PPP1R16B: variants seen among roughly 807,000 people sequenced by gnomAD.
The protein encoded by PPP1R16B is protein phosphatase 1 regulatory subunit 16B.
PPP1R16B carries 14 observed loss-of-function variants against 61.7 expected under a neutral mutation model. The ratio of observed to expected loss-of-function variants is 0.23; its 90% CI spans 0.15 to 0.35. PPP1R16B has a LOEUF of 0.35. PPP1R16B is among the 10% of genes least tolerant of loss of function. PPP1R16B has a pLI of 1.00. For missense variants in PPP1R16B, 547 were observed against 752.5 expected (o/e 0.73, Z 3.19); for synonymous variants, 266 against 305.3 (o/e 0.87, Z 1.34).
chr20:38,855,943 TAGAGAG>T (rs1293814608), intron 2 of PPP1R16B, among the ~76,000 whole-genome samples: 3 of 15,058 alleles, frequency 2.0e-4, no homozygotes, highest in African/African-American at 8.9e-4. Context: ...TATATATATA[TAGAGAG>T]AGAGAGAGAG....
Position 38,908,884 on chromosome 20 carries a change from G to A in PPP1R16B, c.1194+691G>A, listed in dbSNP as rs147936698. Among the ~76,000 whole-genome samples the A allele has an allele frequency of 3.9e-5, 6 of 152,316 alleles. No homozygotes were observed. In the East Asian group the frequency reaches 5.8e-4, roughly 15 times the overall value. On this transcript the variant is annotated intron_variant, in intron 10 of 10. Transcript: ENST00000299824. Reference sequence around the variant, plus strand: ...AGGGGATTCTGTTCCACGCCTCTGCGAGCTTCTGGTGGCTCAGGCGTTCTT... The same window carrying A: ...AGGGGATTCTGTTCCACGCCTCTGCAAGCTTCTGGTGGCTCAGGCGTTCTT...
intron 6 of PPP1R16B, among the ~76,000 whole-genome samples, chr20:38,903,443 A>G (rs997998664): frequency 1.3e-5 from 2 of 152,028 alleles, no homozygotes; most frequent in Non-Finnish European, 2.9e-5. Context: ...AGCTCCCCTG[A>G]TATTACTGCA....
chr20:38,898,939 C>T (rs2085370645), intron 4 of PPP1R16B, among the ~76,000 whole-genome samples: 1 of 152,156 alleles, frequency 6.6e-6, no homozygotes, highest in Non-Finnish European at 1.5e-5. Flanking sequence ...GGGCACTGGG[C>T]ACACAGGGAT....
intron 2 of PPP1R16B, among the ~76,000 whole-genome samples, chr20:38,848,624 A>C (rs1260001390): frequency 6.6e-6 from 1 of 152,200 alleles, no homozygotes; most frequent in East Asian, 1.9e-4. Context: ...TTTTCCCTCC[A>C]AACCTCAAAA....
Position 38,918,891 on chromosome 20 carries a change from T to A in PPP1R16B, c.*225T>A, listed in dbSNP as rs2085567108. On this transcript the variant is annotated 3_prime_UTR_variant, in exon 11 of 11. Coordinates refer to ENST00000299824, the MANE Select transcript of PPP1R16B (RefSeq NM_015568.4). The surrounding 1 kb of genome is among the most constrained non-coding windows in gnomAD (Gnocchi z 5.3). ...CGTCTGCCATCTGACACAAGGCCTG[T>A]CGTGGCCTCCTGGTTCACTCTGCTG... 1 of 488,494 alleles carries A rather than the reference T, an allele frequency of 2.0e-6. No individual in the cohort carries two copies. Among genetic ancestry groups the A allele is most frequent in the Non-Finnish European group, 3.4e-6 (1 of 291,048 alleles). 30.3% of individuals were successfully genotyped at this position (488,494 alleles called of 1,614,324 possible). A position where few individuals can be genotyped will look rare whatever the true frequency, so the allele number is the denominator to read the frequency against.
chr20:38,870,615 G>T (rs955743646), intron 2 of PPP1R16B, among the ~76,000 whole-genome samples: 2 of 152,142 alleles, frequency 1.3e-5, no homozygotes, highest in Admixed American at 1.3e-4. Flanking sequence ...GCCTCTGGTG[G>T]TTCAGTGCAA....
chr20:38,918,328 G>A lies in PPP1R16B; in HGVS notation c.1366G>A (p.Ala456Thr). The change falls in exon 11 of 11, where the codon GCC (alanine) becomes ACC (threonine). Residue 456 changes from alanine (A) to threonine (T), a missense_variant. By Grantham distance (58) the Ala-to-Thr change is moderately conservative. Coordinates refer to ENST00000299824, the MANE Select transcript of PPP1R16B (RefSeq NM_015568.4). The surrounding 1 kb of genome is among the most constrained non-coding windows in gnomAD (Gnocchi z 5.3). Reference sequence around the variant, plus strand: ...GCATGAGGTGCCTGACTACAGCATGGCCTATGGCAACCCTGGCGTGGCCGA... The same window carrying A: ...GCATGAGGTGCCTGACTACAGCATGACCTATGGCAACCCTGGCGTGGCCGA... Reference protein sequence around the residue: ...KVHEVPDYSMAYGNPGVADAT... With the variant: ...KVHEVPDYSMTYGNPGVADAT... 6.2e-7 allele frequency: 1 copy of A among 1,614,202 alleles called. No individual in the cohort carries two copies. The highest frequency in any genetic ancestry group is 1.6e-4 in the Middle Eastern group (1 of 6,062).
intron 10 of PPP1R16B, among the ~76,000 whole-genome samples, chr20:38,909,681 C>T (rs1455084268): frequency 6.6e-6 from 1 of 152,202 alleles, no homozygotes; most frequent in Non-Finnish European, 1.5e-5. Flanking sequence ...AGCATGCCCA[C>T]GTGTCTCAGA....
intron 2 of PPP1R16B, among the ~76,000 whole-genome samples, chr20:38,858,703 C>T (rs1396692803): frequency 6.6e-6 from 1 of 152,196 alleles, no homozygotes; most frequent in Non-Finnish European, 1.5e-5. Context: ...ATCCCTGATG[C>T]TACCCAGAGA....
intron 1 of PPP1R16B, among the ~76,000 whole-genome samples, chr20:38,823,154 G>A (rs1417253167): frequency 6.6e-6 from 1 of 152,204 alleles, no homozygotes; most frequent in East Asian, 1.9e-4. Flanking sequence ...TCTCTGCATG[G>A]TGACCTGGAA....
At chr20:38,905,945 G>C in intron 6 of PPP1R16B, 24 bp from the exon 7 acceptor site, 1 of 1,607,806 alleles carries the variant, frequency 6.2e-7, no homozygotes, top group South Asian at 1.1e-5. Context: ...CCTGAGGAAT[G>C]CTCACTTCTT....
rs1453152946 is a variant in PPP1R16B, at chr20:38,918,598, C to T, written c.1636C>T (p.Leu546Phe). 2 of 1,529,256 alleles carry T rather than the reference C, an allele frequency of 1.3e-6. No individual in the cohort carries two copies. The highest frequency in any genetic ancestry group is 2.8e-5 in the African/African-American group (2 of 72,340). The allele number at this position is 1,529,256 out of a possible 1,614,324, so 94.7% of individuals were successfully genotyped here. Reference sequence around the variant, plus strand: ...CACGGTCACCAGCGGAGATCCCCCACTCTTAAAGTTCAAGGCCCCCATAGA... The same window carrying T: ...CACGGTCACCAGCGGAGATCCCCCATTCTTAAAGTTCAAGGCCCCCATAGA... ...YYTVTSGDPP[L>F]LKFKAPIEEM... The change falls in exon 11 of 11, where the codon CTC becomes TTC. Residue 546 changes from leucine (L) to phenylalanine (F), a missense_variant. Coordinates refer to ENST00000299824, the MANE Select transcript of PPP1R16B (RefSeq NM_015568.4). The surrounding 1 kb of genome is among the most constrained non-coding windows in gnomAD (Gnocchi z 5.3).
At chr20:38,857,945 G>A (rs1276919370) in intron 2 of PPP1R16B, among the ~76,000 whole-genome samples, 27 of 152,028 alleles carry the variant, frequency 1.8e-4, no homozygotes, top group Non-Finnish European at 4.4e-5. Flanking sequence ...TGGCGTAAAC[G>A]ATAGAAACGT....
At chr20:38,891,731 G>A (rs2085293797) in intron 3 of PPP1R16B, among the ~76,000 whole-genome samples, 1 of 151,878 alleles carries the variant, frequency 6.6e-6, no homozygotes, top group African/African-American at 2.4e-5. Flanking sequence ...GAACCCGGGA[G>A]ACAGAGGTTG....
intron 1 of PPP1R16B, among the ~76,000 whole-genome samples, chr20:38,826,715 A>T (rs952395330): frequency 6.6e-6 from 1 of 152,182 alleles, no homozygotes; most frequent in South Asian, 2.1e-4. Context: ...CTTAGTCCCA[A>T]TACGATGCCA....
At chr20:38,816,681 G>C (rs1043084650) in intron 1 of PPP1R16B, among the ~76,000 whole-genome samples, 1 of 152,186 alleles carries the variant, frequency 6.6e-6, no homozygotes, top group African/African-American at 2.4e-5. Flanking sequence ...AGGAGCAGTT[G>C]AGAAAATCAA....
intron 2 of PPP1R16B, among the ~76,000 whole-genome samples, chr20:38,885,921 G>A (rs1461257242): frequency 5.5e-4 from 83 of 152,146 alleles, no homozygotes; most frequent in Non-Finnish European, 1.5e-5. Context: ...GATTACAGGC[G>A]TGCGCCACCA....
intron 10 of PPP1R16B, among the ~76,000 whole-genome samples, chr20:38,913,411 C>T (rs1401315950): frequency 6.6e-6 from 1 of 151,962 alleles, no homozygotes; most frequent in Admixed American, 6.5e-5. Flanking sequence ...TACAGGCGCA[C>T]GCCACCATGC....
intron 2 of PPP1R16B, among the ~76,000 whole-genome samples, chr20:38,880,117 G>A (rs1172741682): frequency 6.6e-6 from 1 of 152,186 alleles, no homozygotes; most frequent in Non-Finnish European, 1.5e-5. Flanking sequence ...CTACATCACA[G>A]GAGCAGCACG....
Sources: allele counts gnomAD v4.1 joint callset (sites outside exome capture counted in the v4.1 genomes callset), GRCh38; gene constraint gnomAD v4.1.1; non-coding constraint Gnocchi (gnomAD v3.1); transcripts MANE v1.5; gene names NCBI Gene and HGNC (gene_info 2026-07-23, HGNC 2026-07-21).